The following USP24 variants were observed in gnomAD, a reference collection of about 807,000 sequenced individuals.
USP24 encodes ubiquitin specific peptidase 24.
USP24 carries 97 observed loss-of-function variants against 361.6 expected under a neutral mutation model. The ratio of observed to expected loss-of-function variants is 0.27; its 90% confidence interval spans 0.23 to 0.32. The LOEUF (loss-of-function observed/expected upper bound fraction) is 0.32. USP24 is among the 10% of genes least tolerant of loss of function. The probability of loss-of-function intolerance (pLI) is 1.00; values close to 1 mark genes in which losing one functional copy is unlikely to be tolerated. For synonymous variants in USP24, 1,098 were observed against 1,124.6 expected, an observed-to-expected ratio of 0.98 and a Z score of 0.47; for missense variants, 2,353 against 3,165.6, an observed-to-expected ratio of 0.74 and a Z score of 6.16.
At chr1:55,100,522 TTTAA>T (rs1645607527) in intron 44 of USP24, among the ~76,000 whole-genome samples, 5 of 152,008 alleles carry the variant, frequency 3.3e-5, no homozygotes, top group Admixed American at 1.3e-4. Flanking sequence ...GTGTTCTTTA[TTTAA>T]AGACATTAGT....
intron 45 of USP24, 138 bp downstream of exon 45, chr1:55,099,633 G>A: frequency 4.5e-6 from 3 of 664,250 alleles, no homozygotes; most frequent in Non-Finnish European, 7.9e-6. Context: ...TTTAAACACA[G>A]AATACATTAT....
In USP24 at chr1:55,146,878, G is replaced by A; in HGVS notation, c.2250+51C>T. 1.9e-6 allele frequency: 3 copies of A among 1,600,536 alleles called. No homozygotes were observed. The Admixed American group carries it at 5.1e-5, about 27-fold the overall frequency. Reference sequence around the variant, plus strand: ...AAGATGTGAGACACACAGAAAAAGTGAAATATTTAAATATTTCTGCCTTAC... The same window carrying A: ...AAGATGTGAGACACACAGAAAAAGTAAAATATTTAAATATTTCTGCCTTAC... On this transcript the variant is annotated intron_variant, in intron 19 of 67. Transcript: ENST00000294383.
chr1:55,127,785 T>A (rs1028353186), intron 32 of USP24, among the ~76,000 whole-genome samples: 2 of 152,208 alleles, frequency 1.3e-5, no homozygotes, highest in Non-Finnish European at 2.9e-5. Flanking sequence ...TGGTATCTCA[T>A]TGTGGTTTTG....
intron 1 of USP24, among the ~76,000 whole-genome samples, chr1:55,202,854 C>G (rs569943226): frequency 6.6e-6 from 1 of 152,192 alleles, no homozygotes; most frequent in African/African-American, 2.4e-5. Flanking sequence ...TCTTCCTTTC[C>G]TCAACTCCCA....
intron 38 of USP24, among the ~76,000 whole-genome samples, chr1:55,117,509 A>G (rs895330912): frequency 6.6e-6 from 1 of 151,138 alleles, no homozygotes; most frequent in African/African-American, 2.4e-5. Flanking sequence ...CGGGTGGATC[A>G]TGAGGTCAGG....
chr1:55,121,024 A>C (rs1290613631), intron 37 of USP24, among the ~76,000 whole-genome samples: 1 of 152,226 alleles, frequency 6.6e-6, no homozygotes, highest in African/African-American at 2.4e-5. Context: ...ATAAGAAAAA[A>C]GAAAGTTTAA....
At position 55,094,816 on chromosome 1, in the gene USP24, T is replaced by C. The variant is rs187897208; in HGVS notation, c.6203+439A>G. Among the ~76,000 whole-genome samples the C allele has an allele frequency of 4.0e-3, 608 of 151,048 alleles. 3 individuals are homozygous for C. The highest frequency in any genetic ancestry group is 3.7e-3 in the Admixed American group (56 of 15,134). ...GAGTTCCAGACCAGCCTGGGCAACA[T>C]TGGGAGACCTTATCTTTACAAAAAA... On this transcript the variant is annotated intron_variant, in intron 51 of 67. Transcript: ENST00000294383.
At chr1:55,201,010 C>T (rs541030683) in intron 1 of USP24, among the ~76,000 whole-genome samples, 9 of 152,170 alleles carry the variant, frequency 5.9e-5, no homozygotes, top group East Asian at 5.8e-4. Flanking sequence ...ATAAAGACAC[C>T]GGCAATAGCT....
intron 57 of USP24, 76 bp downstream of exon 57, chr1:55,083,696 T>C (rs1645195671): frequency 9.3e-7 from 1 of 1,071,322 alleles, no homozygotes; most frequent in Admixed American, 2.6e-5. Context: ...TATAGAACTT[T>C]ACTATCCAGT....
At chr1:55,140,064 T>C (rs1406450546) in intron 24 of USP24, among the ~76,000 whole-genome samples, 2 of 151,618 alleles carry the variant, frequency 1.3e-5, no homozygotes, top group Non-Finnish European at 2.9e-5. Flanking sequence ...ACTAGTGAAA[T>C]GAGATAAACT....
intron 1 of USP24, among the ~76,000 whole-genome samples, chr1:55,200,619 T>C (rs1644544835): frequency 6.6e-6 from 1 of 152,202 alleles, no homozygotes; most frequent in South Asian, 2.1e-4. Context: ...ATTAACAGTG[T>C]CATCATTAAT....
chr1:55,086,802 G>T (rs1280624398), intron 55 of USP24, among the ~76,000 whole-genome samples: 2 of 152,242 alleles, frequency 1.3e-5, no homozygotes, highest in East Asian at 3.8e-4. Flanking sequence ...TGGGTATCCT[G>T]TGTGAGAGCT....
chr1:55,163,091 G>A (rs1383111205), intron 7 of USP24, among the ~76,000 whole-genome samples: 1 of 151,582 alleles, frequency 6.6e-6, no homozygotes, highest in Non-Finnish European at 1.5e-5. Context: ...CTATTTGGAA[G>A]AAAATAAAAT....
rs201103409 is a variant in USP24 at position 55,162,193 on chromosome 1, T to C, written c.993+6A>G. 3.9e-4 allele frequency: 626 copies of C among 1,589,822 alleles called. 9 individuals carry two copies. The South Asian group carries it at 6.8e-3, about 17-fold the overall frequency. On this transcript the variant is annotated splice_donor_region_variant and intron_variant, in intron 8 of 67. Coordinates refer to ENST00000294383, the MANE Select transcript of USP24 (RefSeq NM_015306.3). ...TATGAAGTAATGTGAAATGGTTTAA[T>C]CCTACCTGTACCACGGAGGAATTGA...
intron 53 of USP24, 47 bp downstream of exon 53, chr1:55,092,774 T>C: frequency 7.4e-7 from 1 of 1,351,662 alleles, no homozygotes; most frequent in East Asian, 2.4e-5. Flanking sequence ...TAAAGCATAT[T>C]TAATTGTAAC....
intron 1 of USP24, among the ~76,000 whole-genome samples, chr1:55,180,799 T>C (rs1178881373): frequency 2.0e-5 from 3 of 152,180 alleles, no homozygotes; most frequent in Non-Finnish European, 4.4e-5. Context: ...TTATCTGTGA[T>C]TTGTTTGCCC....
At chr1:55,129,644 ACATT>A in intron 31 of USP24, 70 bp from the exon 32 acceptor site, 1 of 1,233,476 alleles carries the variant, frequency 8.1e-7, no homozygotes, top group Non-Finnish European at 1.2e-6. Flanking sequence ...ACTAAATAAA[ACATT>A]CAGACAACTT....
At chr1:55,209,163 T>C (rs2100950787) in intron 1 of USP24, among the ~76,000 whole-genome samples, 1 of 152,058 alleles carries the variant, frequency 6.6e-6, no homozygotes, top group African/African-American at 2.4e-5. Context: ...AGCACAACTC[T>C]CTTAGTCGTA....
At chr1:55,117,742 CAA>C (rs58149121) in intron 38 of USP24, among the ~76,000 whole-genome samples, 8 of 66,848 alleles carry the variant, frequency 1.2e-4, no homozygotes, top group African/African-American at 4.6e-4. Context: ...GACTCCGTCT[CAA>C]AAAAAAAAAA....
Sources: gnomAD v4.1 joint callset for allele counts (sites outside exome capture counted in the v4.1 genomes callset) on GRCh38, gnomAD v4.1.1 for gene constraint, MANE v1.5 for transcripts, NCBI Gene and HGNC (gene_info 2026-07-23, HGNC 2026-07-21) for gene names.